SKOR2: variants seen among roughly 807,000 people sequenced by gnomAD.
SKOR2 encodes the protein SKI family transcriptional corepressor 2, also known as LBX1 corepressor 1-like protein.
A neutral mutation model predicts 69.1 loss-of-function variants in SKOR2; 47 were observed. The observed-to-expected ratio is 0.68, with a 90% CI of 0.54 to 0.87. The LOEUF (loss-of-function observed/expected upper bound fraction) is 0.87, where lower values mean the gene tolerates loss of function less well. Ranked by LOEUF, SKOR2 falls within the 40% of genes least tolerant of loss-of-function variation. The probability of loss-of-function intolerance (pLI) is 0.00; values close to 1 mark genes in which losing one functional copy is unlikely to be tolerated. For synonymous variants in SKOR2, 717 were observed against 672.6 expected (o/e 1.07, Z -1.02); for missense variants, 1,404 against 1,472.2 (o/e 0.95, Z 0.76).
In SKOR2 at chr18:47,246,980, T is replaced by C; in HGVS notation, c.2204A>G (p.Glu735Gly). 1 of 1,499,346 alleles carries C rather than the reference T, an allele frequency of 6.7e-7. No homozygotes were observed. The highest frequency in any genetic ancestry group is 1.2e-5 in the South Asian group (1 of 80,268). The allele number at this position is 1,499,346 out of a possible 1,614,324, so 92.9% of individuals were successfully genotyped here. A position where few individuals can be genotyped will look rare whatever the true frequency, so the allele number is the denominator to read the frequency against. Residue 735 changes from glutamate to glycine, a missense_variant, in exon 2 of 9, where the codon GAG (glutamate) becomes GGG (glycine). By Grantham distance (98) the Glu-to-Gly change is moderately conservative. Transcript: ENST00000425639. ...CTCCTGCTCTTCTTCCTCGTCGTCC[T>C]CGTCCTCGGAGCTGTCCTCGCTGGG... ...CYPSEDSSED[E>G]DDEEEEQEVD...
chr18:47,213,375 TTA>T (rs919736629), intron 7 of SKOR2, among the ~76,000 whole-genome samples: 4 of 147,892 alleles, frequency 2.7e-5, no homozygotes, highest in South Asian at 2.1e-4. Context: ...ATATATTTAT[TTA>T]TATATATATT....
chr18:47,226,642 C>A (rs1019292975), intron 6 of SKOR2, among the ~76,000 whole-genome samples: 1 of 152,198 alleles, frequency 6.6e-6, no homozygotes, highest in African/African-American at 2.4e-5. Context: ...GCTCAATAAA[C>A]CTTTACAAGT....
intron 2 of SKOR2, among the ~76,000 whole-genome samples, chr18:47,246,283 A>G (rs1411707116): frequency 6.6e-6 from 1 of 152,122 alleles, no homozygotes; most frequent in African/African-American, 2.4e-5. Context: ...TAGAGGAAGG[A>G]CCAGGTCAAT....
intron 6 of SKOR2, among the ~76,000 whole-genome samples, chr18:47,221,766 C>G (rs2064162203): frequency 6.6e-6 from 1 of 152,284 alleles, no homozygotes; most frequent in Admixed American, 6.5e-5. Flanking sequence ...ATCTGTCTCC[C>G]TGCTAAACAG....
At chr18:47,218,589 C>CAAAA (rs57860548) in intron 7 of SKOR2, among the ~76,000 whole-genome samples, 3,906 of 87,466 alleles carry the variant, frequency 0.045, 206 homozygotes, top group Middle Eastern at 0.12. Context: ...GACCCTGTCT[C>CAAAA]AAAAAAAAAA....
intron 2 of SKOR2, 76 bp from the exon 3 acceptor site, chr18:47,245,637 G>T: frequency 7.3e-7 from 1 of 1,362,560 alleles, no homozygotes; most frequent in Non-Finnish European, 9.7e-7. Context: ...TCAGCAGGAA[G>T]AAGCATCAAT....
rs1187280779 is a variant in SKOR2, at chr18:47,230,966, T to C, written c.2787A>G (p.Ser929=). The C allele has an allele frequency of 2.0e-6, 3 of 1,535,954 alleles. No individual in the cohort carries two copies. Among genetic ancestry groups the C allele is most frequent in the Non-Finnish European group, 8.7e-7 (1 of 1,146,824 alleles). The change falls in exon 5 of 9, where the codon TCA becomes TCG. Residue 929 remains serine, a synonymous_variant. Transcript: ENST00000425639. The part of the protein sequence containing the change: ...EHTQETNSPH[S]LKKDVENMGK... ...CCATATTTTCTACATCCTTTTTCAG[T>C]GAATGAGGTGAGTTGGTTTCTTGTG...
Position 47,248,380 on chromosome 18 carries a change from G to C in SKOR2, c.804C>G (p.Ala268=), listed in dbSNP as rs966038805. 2 of 1,296,770 alleles carry C rather than the reference G, an allele frequency of 1.5e-6. No individual in the cohort carries two copies. Among genetic ancestry groups the C allele is most frequent in the African/African-American group, 1.6e-5 (1 of 63,556 alleles). The allele number at this position is 1,296,770 out of a possible 1,614,324, so 80.3% of individuals were successfully genotyped here. A position where few individuals can be genotyped will look rare whatever the true frequency, so the allele number is the denominator to read the frequency against. ...GCAGACCCCCGCCTCCGGCCACCGC[G>C]GCCGCGGCGGCCACGGCGGCCGCCT... ...SVKAAAVAAA[A]AVAGGGGLLG... is the part of the protein sequence containing the mutation. Residue 268 remains alanine, a synonymous_variant, in exon 2 of 9, where the codon GCC becomes GCG. Transcript: ENST00000425639. The surrounding 1 kb of genome is among the most constrained non-coding windows in gnomAD (Gnocchi z 6.4).
chr18:47,229,636 A>G (rs2064190289), intron 6 of SKOR2, among the ~76,000 whole-genome samples: 2 of 152,140 alleles, frequency 1.3e-5, no homozygotes, highest in African/African-American at 4.8e-5. Context: ...CCTGGGTGAC[A>G]GAGCAAGACT....
At chr18:47,243,265 C>T (rs1267915938) in intron 4 of SKOR2, among the ~76,000 whole-genome samples, 1 of 152,162 alleles carries the variant, frequency 6.6e-6, no homozygotes, top group Non-Finnish European at 1.5e-5. Context: ...ATAGACTTCC[C>T]ATCTGTGGTT....
At chr18:47,213,049 A>G (rs905499615) in intron 7 of SKOR2, among the ~76,000 whole-genome samples, 1 of 152,124 alleles carries the variant, frequency 6.6e-6, no homozygotes, top group African/African-American at 2.4e-5. Flanking sequence ...TAAACTTGAA[A>G]AGTACTTTCG....
Position 47,247,631 on chromosome 18 carries a change from C to A in SKOR2, c.1553G>T (p.Gly518Val), listed in dbSNP as rs888722310. The change falls in exon 2 of 9, where the codon GGT becomes GTT. Residue 518 changes from glycine (G) to valine (V), a missense_variant. By Grantham distance (109) the Gly-to-Val change is moderately radical (BLOSUM62 -3). Around this residue, in one of 3 missense-constraint regions of SKOR2, gnomAD observed 1,266 missense variants for 1,309.9 expected, o/e 0.97. Transcript: ENST00000425639. The surrounding 1 kb of genome is among the most constrained non-coding windows in gnomAD (Gnocchi z 6.6). ...CGCGGCCTCGGCGCTCCCAGCAGCA[C>A]CGCCTGGCTCAGCCAGGTCCAGGAA... ...QAFLDLAEPG[G>V]AAGSAEAAPP... 2 of 1,340,572 alleles carry A rather than the reference C, an allele frequency of 1.5e-6. No individual in the cohort carries two copies. The highest frequency in any genetic ancestry group is 1.9e-6 in the Non-Finnish European group (2 of 1,048,578). 83.0% of individuals were successfully genotyped at this position (1,340,572 alleles called of 1,614,324 possible). A position where few individuals can be genotyped will look rare whatever the true frequency, so the allele number is the denominator to read the frequency against.
chr18:47,224,080 G>C (rs2064170573), intron 6 of SKOR2, among the ~76,000 whole-genome samples: 1 of 151,434 alleles, frequency 6.6e-6, no homozygotes, highest in Admixed American at 6.6e-5. Flanking sequence ...TACTTTTTTT[G>C]TATTTTTGGT....
chr18:47,247,815 C>A lies in SKOR2; in HGVS notation c.1369G>T (p.Ala457Ser). The change falls in exon 2 of 9, where the codon GCG becomes TCG. Residue 457 changes from alanine to serine, a missense_variant. By Grantham distance (99) the Ala-to-Ser change is moderately conservative. Around this residue, in one of 3 missense-constraint regions of SKOR2, gnomAD observed 1,266 missense variants for 1,309.9 expected, o/e 0.97. Coordinates refer to ENST00000425639, the MANE Select transcript of SKOR2 (RefSeq NM_001278063.4). The surrounding 1 kb of genome is among the most constrained non-coding windows in gnomAD (Gnocchi z 6.6). ...GGATAGAAGGCGTCCTTGCGGCCCG[C>A]GGGCCAGAAGAGGCCGGACAAGCCG... ...KAGLSGLFWP[A>S]GRKDAFYPPF... is the part of the protein sequence containing the mutation. The A allele has an allele frequency of 7.2e-7, 1 of 1,398,528 alleles. No individual in the cohort carries two copies. The highest frequency in any genetic ancestry group is 9.2e-7 in the Non-Finnish European group (1 of 1,083,928). The allele number at this position is 1,398,528 out of a possible 1,614,324, so 86.6% of individuals were successfully genotyped here.
chr18:47,227,382 G>C (rs1224021881), intron 6 of SKOR2, among the ~76,000 whole-genome samples: 1 of 131,770 alleles, frequency 7.6e-6, no homozygotes, highest in Non-Finnish European at 1.5e-5. Flanking sequence ...GTGTTGTCCA[G>C]GCTGGAGGGC....
intron 4 of SKOR2, among the ~76,000 whole-genome samples, chr18:47,235,335 G>A (rs1369455425): frequency 6.6e-6 from 1 of 152,134 alleles, no homozygotes; most frequent in African/African-American, 2.4e-5. Context: ...ACTCCAGCCT[G>A]GGTGACAGAG....
intron 1 of SKOR2, among the ~76,000 whole-genome samples, chr18:47,249,571 C>A (rs1046262487): frequency 2.6e-5 from 4 of 152,150 alleles, no homozygotes; most frequent in Non-Finnish European, 4.4e-5. Flanking sequence ...TAAATAGTAA[C>A]GATAGTTGTA....
At chr18:47,227,234 CCCT>C (rs980744518) in intron 6 of SKOR2, among the ~76,000 whole-genome samples, 165 of 151,860 alleles carry the variant, frequency 1.1e-3, no homozygotes, top group African/African-American at 3.3e-3. Flanking sequence ...CTCCACCTGC[CCCT>C]CCTCTCTGTT....
chr18:47,209,042 A>C (rs1243129985), intron 8 of SKOR2, among the ~76,000 whole-genome samples: 1 of 152,092 alleles, frequency 6.6e-6, no homozygotes, highest in Non-Finnish European at 1.5e-5. Flanking sequence ...ATATGCCTAA[A>C]TTTTGAGGTT....
Sources: allele counts gnomAD v4.1 joint callset (sites outside exome capture counted in the v4.1 genomes callset), GRCh38; gene constraint gnomAD v4.1.1; regional missense constraint gnomAD v4.1.1; non-coding constraint Gnocchi (gnomAD v3.1); transcripts MANE v1.5; gene names NCBI Gene and HGNC (gene_info 2026-07-23, HGNC 2026-07-21).